Variants in ATXN1 observed in about 807,000 individuals in gnomAD.
ATXN1 encodes ataxin 1, also known as ataxin-1.
A neutral mutation model predicts 56.4 loss-of-function variants in ATXN1; 8 were observed. That is an observed-to-expected ratio of 0.14 (90% CI 0.08 to 0.26). The LOEUF is 0.26. Ranked by LOEUF, ATXN1 falls within the 10% of genes least tolerant of loss-of-function variation. ATXN1 has a pLI of 1.00. For missense variants in ATXN1, 987 were observed against 1,106.5 expected (o/e 0.89, Z 1.53); for synonymous variants, 514 against 494.6 (o/e 1.04, Z -0.52).
At chr6:16,497,726 C>T (rs1424868907) in intron 5 of ATXN1, among the ~76,000 whole-genome samples, 1 of 152,130 alleles carries the variant, frequency 6.6e-6, no homozygotes, top group African/African-American at 2.4e-5. Flanking sequence ...CACTGGAATG[C>T]CCTTCTAGTA....
chr6:16,362,002 A>T (rs1298493249), intron 6 of ATXN1, among the ~76,000 whole-genome samples: 1 of 152,166 alleles, frequency 6.6e-6, no homozygotes, highest in Non-Finnish European at 1.5e-5. Flanking sequence ...GTGTTCCTTC[A>T]CCTGAATTGC....
chr6:16,331,103 C>A (rs895165053), intron 6 of ATXN1, among the ~76,000 whole-genome samples: 10 of 152,054 alleles, frequency 6.6e-5, no homozygotes, highest in Non-Finnish European at 2.9e-5. Flanking sequence ...CGGGTTCAAG[C>A]GATTCTCCTG....
intron 5 of ATXN1, among the ~76,000 whole-genome samples, chr6:16,508,830 G>A (rs1761027392): frequency 6.6e-6 from 1 of 152,106 alleles, no homozygotes; most frequent in Admixed American, 6.6e-5. Context: ...ATTCATAGCA[G>A]CATTATTCAC....
intron 2 of ATXN1, among the ~76,000 whole-genome samples, chr6:16,711,872 C>T (rs547622125): frequency 1.3e-5 from 2 of 152,168 alleles, no homozygotes; most frequent in Non-Finnish European, 2.9e-5. Context: ...CCTGCCTTGG[C>T]CTCTGGCTAG....
At chr6:16,458,414 C>T (rs1164225853) in intron 6 of ATXN1, among the ~76,000 whole-genome samples, 1 of 152,202 alleles carries the variant, frequency 6.6e-6, no homozygotes, top group Admixed American at 6.5e-5. Context: ...TCCCCTGTCA[C>T]CCAACTCCCT....
At chr6:16,567,533 C>T (rs1292375949) in intron 4 of ATXN1, among the ~76,000 whole-genome samples, 1 of 152,192 alleles carries the variant, frequency 6.6e-6, no homozygotes, top group Non-Finnish European at 1.5e-5. Context: ...AAGCACATCA[C>T]CCTGACAATC....
intron 6 of ATXN1, among the ~76,000 whole-genome samples, chr6:16,456,098 G>C (rs1249515588): frequency 6.6e-6 from 1 of 152,178 alleles, no homozygotes; most frequent in Non-Finnish European, 1.5e-5. Flanking sequence ...GGGAAGCTTT[G>C]TCCTGTCGCT....
chr6:16,375,882 G>A (rs1159805902), intron 6 of ATXN1, among the ~76,000 whole-genome samples: 1 of 152,186 alleles, frequency 6.6e-6, no homozygotes, highest in Non-Finnish European at 1.5e-5. Context: ...ACAGGGAAGG[G>A]GCAGGGGGAA....
chr6:16,595,990 C>G (rs1020005618), intron 3 of ATXN1, among the ~76,000 whole-genome samples: 1 of 151,944 alleles, frequency 6.6e-6, no homozygotes, highest in African/African-American at 2.4e-5. Context: ...GCTTTTGCAG[C>G]CCCGTTATTT....
intron 5 of ATXN1, among the ~76,000 whole-genome samples, chr6:16,513,007 A>C (rs1761111627): frequency 6.6e-6 from 1 of 152,230 alleles, no homozygotes; most frequent in South Asian, 2.1e-4. Context: ...AAGGCTTTCT[A>C]AGTAAAATAT....
chr6:16,577,020 C>CTA (rs1253212385), intron 4 of ATXN1, among the ~76,000 whole-genome samples: 1 of 152,148 alleles, frequency 6.6e-6, no homozygotes, highest in Non-Finnish European at 1.5e-5. Flanking sequence ...AGCCCACACT[C>CTA]AGTAAAGATT....
intron 6 of ATXN1, among the ~76,000 whole-genome samples, chr6:16,335,527 C>T (rs1761099979): frequency 6.6e-6 from 1 of 152,334 alleles, no homozygotes; most frequent in South Asian, 2.1e-4. Flanking sequence ...AAGGAGTCCA[C>T]ACGAGGGCCT....
At chr6:16,730,487 G>GTATGTATATATATATATA (rs1554128995) in intron 2 of ATXN1, among the ~76,000 whole-genome samples, 1 of 132,060 alleles carries the variant, frequency 7.6e-6, no homozygotes, top group African/African-American at 2.7e-5. Context: ...AAAACAGTAT[G>GTATGTATATATATATATA]TATATATATA....
At chr6:16,459,573 T>C (rs1759949530) in intron 6 of ATXN1, among the ~76,000 whole-genome samples, 2 of 152,118 alleles carry the variant, frequency 1.3e-5, no homozygotes, top group African/African-American at 4.8e-5. Context: ...CTCTCTCAAA[T>C]ACCAAAGGAA....
chr6:16,451,044 C>A (rs977396296), intron 6 of ATXN1, among the ~76,000 whole-genome samples: 1 of 152,220 alleles, frequency 6.6e-6, no homozygotes, highest in Non-Finnish European at 1.5e-5. Context: ...ATGAATCATT[C>A]GGTTCTCCAG....
intron 7 of ATXN1, among the ~76,000 whole-genome samples, chr6:16,308,499 T>C (rs777642235): frequency 2.1e-4 from 32 of 152,188 alleles, no homozygotes; most frequent in South Asian, 6.2e-4. Context: ...CTTTTGATAG[T>C]GTTAAGAGCA....
intron 6 of ATXN1, among the ~76,000 whole-genome samples, chr6:16,340,075 C>T (rs1761211682): frequency 6.6e-6 from 1 of 152,248 alleles, no homozygotes; most frequent in Admixed American, 6.5e-5. Flanking sequence ...GCCACCGCGC[C>T]TGACCATGAA....
chr6:16,498,240 A>G (rs1760814944), intron 5 of ATXN1, among the ~76,000 whole-genome samples: 1 of 152,216 alleles, frequency 6.6e-6, no homozygotes, highest in African/African-American at 2.4e-5. Flanking sequence ...GAATCATACA[A>G]TATGTGGCCT....
chr6:16,608,523 T>C (rs549981085), intron 3 of ATXN1, among the ~76,000 whole-genome samples: 9 of 152,314 alleles, frequency 5.9e-5, no homozygotes, highest in Middle Eastern at 3.4e-3. Context: ...CTTCTCTCCC[T>C]AGTAGGAGAG....
Sources: gnomAD v4.1 joint callset for allele counts (sites outside exome capture counted in the v4.1 genomes callset) on GRCh38, gnomAD v4.1.1 for gene constraint, MANE v1.5 for transcripts, NCBI Gene and HGNC (gene_info 2026-07-23, HGNC 2026-07-21) for gene names.